Variants in VWA8 observed in about 807,000 individuals in gnomAD.
VWA8 encodes von Willebrand factor A domain-containing protein 8.
A neutral mutation model predicts 241.5 loss-of-function variants in VWA8; 221 were observed. The ratio of observed to expected loss-of-function variants is 0.91; its 90% CI spans 0.82 to 1.02. VWA8 has a LOEUF of 1.02. Among genes scored for constraint, VWA8 ranks in the 50% least tolerant of loss-of-function variants. VWA8 has a pLI of 0.00. For missense variants in VWA8, 2,322 were observed against 2,328.7 expected, an observed-to-expected ratio of 1.00 and a Z score of 0.06; for synonymous variants, 852 against 827.1, an observed-to-expected ratio of 1.03 and a Z score of -0.52.
At chr13:41,878,882 C>T (rs1300967990) in intron 9 of VWA8, among the ~76,000 whole-genome samples, 2 of 152,230 alleles carry the variant, frequency 1.3e-5, no homozygotes, top group Admixed American at 1.3e-4. Context: ...AAAAATACAT[C>T]AAAGTGGTTT....
intron 1 of VWA8, among the ~76,000 whole-genome samples, chr13:41,957,945 C>A (rs778365232): frequency 2.0e-4 from 31 of 152,144 alleles, no homozygotes; most frequent in Non-Finnish European, 4.1e-4. Context: ...ACATCAGAGT[C>A]CCACTGAAAC....
intron 4 of VWA8, among the ~76,000 whole-genome samples, chr13:41,892,251 T>C (rs1001118401): frequency 2.6e-5 from 4 of 152,116 alleles, no homozygotes; most frequent in Non-Finnish European, 5.9e-5. Flanking sequence ...ACTATAGATA[T>C]GAAAAAAATA....
intron 4 of VWA8, among the ~76,000 whole-genome samples, chr13:41,902,711 C>T (rs1219705300): frequency 2.6e-5 from 4 of 152,062 alleles, no homozygotes; most frequent in Admixed American, 2.0e-4. Context: ...TATTATTAAC[C>T]TAATTCTCGC....
chr13:41,732,260 C>A lies in VWA8; in HGVS notation c.2427-105G>T. ...CATTTTTTAAAAGATTTTTGTTCAT[C>A]ATCCTGCTTCCCCTTCCCCCACCAA... On this transcript the variant is annotated intron_variant, in intron 21 of 44. Coordinates refer to ENST00000379310, the MANE Select transcript of VWA8 (RefSeq NM_015058.2). The A allele has an allele frequency of 4.0e-6, 4 of 1,009,226 alleles. No individual in the cohort carries two copies. In the South Asian group the frequency reaches 5.0e-5, roughly 13 times the overall value. 62.5% of individuals were successfully genotyped at this position (1,009,226 alleles called of 1,614,324 possible).
At chr13:41,813,768 G>A (rs552496154) in intron 16 of VWA8, among the ~76,000 whole-genome samples, 1 of 152,138 alleles carries the variant, frequency 6.6e-6, no homozygotes, top group East Asian at 1.9e-4. Flanking sequence ...TTGAATAAAG[G>A]GTTTGGTAAT....
chr13:41,797,196 A>AC (rs550424920), intron 17 of VWA8, among the ~76,000 whole-genome samples: 3 of 140,418 alleles, frequency 2.1e-5, no homozygotes, highest in African/African-American at 5.4e-5. Context: ...ACACCCAAGT[A>AC]TTTTTTTTTT....
chr13:41,727,440 G>C, intron 23 of VWA8, 127 bp from the exon 24 acceptor site: 1 of 859,768 alleles, frequency 1.2e-6, no homozygotes, highest in Admixed American at 3.8e-5. Context: ...ATATTTGGCT[G>C]TGATAACTTG....
intron 20 of VWA8, among the ~76,000 whole-genome samples, chr13:41,777,767 A>G (rs892032273): frequency 2.6e-5 from 4 of 152,214 alleles, no homozygotes; most frequent in African/African-American, 7.2e-5. Flanking sequence ...GTAGATACTT[A>G]TAAGACAGAA....
At chr13:41,601,491 T>TA (rs1388305875) in intron 40 of VWA8, among the ~76,000 whole-genome samples, 1 of 152,198 alleles carries the variant, frequency 6.6e-6, no homozygotes, top group Non-Finnish European at 1.5e-5. Context: ...AAGGTTAATT[T>TA]AGTTTAGCCT....
chr13:41,753,197 C>T (rs1025536082), intron 21 of VWA8, among the ~76,000 whole-genome samples: 2 of 152,100 alleles, frequency 1.3e-5, no homozygotes, highest in African/African-American at 4.8e-5. Flanking sequence ...GACCTGGGAA[C>T]TCCCAATCTA....
intron 37 of VWA8, among the ~76,000 whole-genome samples, chr13:41,664,055 A>G (rs1398841220): frequency 6.6e-6 from 1 of 151,786 alleles, no homozygotes; most frequent in East Asian, 2.0e-4. Flanking sequence ...CTTTCCACCT[A>G]TGTCTTCCTC....
intron 21 of VWA8, among the ~76,000 whole-genome samples, chr13:41,745,151 T>A (rs1000313469): frequency 8.1e-4 from 124 of 152,256 alleles, no homozygotes; most frequent in African/African-American, 2.6e-3. Context: ...TTTTTTTTTT[T>A]AATTATACTT....
At chr13:41,649,853 C>T (rs2044857921) in intron 37 of VWA8, among the ~76,000 whole-genome samples, 1 of 152,150 alleles carries the variant, frequency 6.6e-6, no homozygotes, top group African/African-American at 2.4e-5. Flanking sequence ...CATTCCACCA[C>T]CAGGGGTAGC....
chr13:41,733,952 T>C (rs1272907365), intron 21 of VWA8, among the ~76,000 whole-genome samples: 3 of 152,220 alleles, frequency 2.0e-5, no homozygotes, highest in African/African-American at 7.2e-5. Context: ...TTCAAATTTA[T>C]CAGATCATTG....
In VWA8 at chr13:41,685,142, G is replaced by A; in HGVS notation, c.4232C>T (p.Pro1411Leu). The A allele has an allele frequency of 6.2e-7, 1 of 1,613,424 alleles. No homozygotes were observed. The highest frequency in any genetic ancestry group is 1.1e-5 in the South Asian group (1 of 91,066). Residue 1411 changes from proline to leucine, a missense_variant, in exon 35 of 45, where the codon CCA (proline) becomes CTA (leucine). Transcript: ENST00000379310. The stretch of plus-strand genomic sequence containing the variant: ...AAGAGTCACACAATTGCTTTGTTTT[G>A]GAGTCCCCCTTTTCTTCTTTCCTCT... Reference protein sequence around the residue: ...FYRGKKKRGTPKQSNCVTLLD... With the variant: ...FYRGKKKRGTLKQSNCVTLLD...
At chr13:41,825,099 G>GCTAACACTAAAATA (rs1417516008) in intron 14 of VWA8, among the ~76,000 whole-genome samples, 2 of 152,130 alleles carry the variant, frequency 1.3e-5, no homozygotes, top group African/African-American at 4.8e-5. Context: ...ATACAGACCT[G>GCTAACACTAAAATA]CAGTCTAACA....
intron 2 of VWA8, 132 bp downstream of exon 2, chr13:41,949,804 A>G (rs1419702291): frequency 2.0e-6 from 1 of 490,124 alleles, no homozygotes; most frequent in African/African-American, 2.0e-5. Context: ...TTGGCATAAT[A>G]TTGATAAATG....
chr13:41,866,208 G>A (rs1187665055), intron 10 of VWA8, among the ~76,000 whole-genome samples, 172 bp from the exon 11 acceptor site: 1 of 152,054 alleles, frequency 6.6e-6, no homozygotes, highest in Non-Finnish European at 1.5e-5. Flanking sequence ...AATTAGCTGG[G>A]CATGGTGGTG....
In VWA8 at chr13:41,907,585, C is replaced by A. The variant is rs779442883; in HGVS notation, c.483+1G>T. On this transcript the variant is annotated splice_donor_variant, in intron 4 of 44. Transcript: ENST00000379310. LOFTEE classifies it high-confidence loss of function. ...ATGGGCTAGAGTGTGACAGAACTTG[C>A]CTGATCAATGTAAAAGGCTGTGCCT... 2 of 1,613,800 alleles carry A rather than the reference C, an allele frequency of 1.2e-6. No individual in the cohort carries two copies. The highest frequency in any genetic ancestry group is 1.7e-6 in the Non-Finnish European group (2 of 1,179,834).
Sources: gnomAD v4.1 joint callset for allele counts (sites outside exome capture counted in the v4.1 genomes callset) on GRCh38, gnomAD v4.1.1 for gene constraint, MANE v1.5 for transcripts, NCBI Gene and HGNC (gene_info 2026-07-23, HGNC 2026-07-21) for gene names.